Variants in SCLT1 observed in about 807,000 individuals in gnomAD.
SCLT1 encodes the protein sodium channel-associated protein 1.
In SCLT1, 78 loss-of-function variants were observed where a neutral mutation model predicts 112.8. That is an observed-to-expected ratio of 0.69 (90% CI 0.58 to 0.83). The LOEUF is 0.83. Ranked by LOEUF, SCLT1 falls within the 40% of genes least tolerant of loss-of-function variation. The pLI is 0.00. For synonymous variants in SCLT1, 257 were observed against 254.7 expected (o/e 1.01, Z -0.09); for missense variants, 747 against 770.4 (o/e 0.97, Z 0.36).
intron 2 of SCLT1, among the ~76,000 whole-genome samples, chr4:129,044,934 A>G (rs1748049508): frequency 6.6e-6 from 1 of 152,014 alleles, no homozygotes; most frequent in Admixed American, 6.6e-5. Flanking sequence ...CTATAGGTAC[A>G]GTAACAAACA....
intron 10 of SCLT1, among the ~76,000 whole-genome samples, chr4:128,968,201 C>T (rs138554876): frequency 2.0e-5 from 3 of 151,790 alleles, no homozygotes; most frequent in South Asian, 2.1e-4. Flanking sequence ...GTTCCAATTA[C>T]ACTTATGTTG....
chr4:128,907,670 A>G (rs1734790215), intron 18 of SCLT1, among the ~76,000 whole-genome samples: 1 of 152,210 alleles, frequency 6.6e-6, no homozygotes, highest in Non-Finnish European at 1.5e-5. Context: ...TCTGCATTAG[A>G]AGATGTTTTA....
At chr4:128,981,379 T>C (rs1361349287) in intron 9 of SCLT1, among the ~76,000 whole-genome samples, 1 of 152,212 alleles carries the variant, frequency 6.6e-6, no homozygotes, top group African/African-American at 2.4e-5. Context: ...GCTGGAATTC[T>C]AAATATTACC....
At chr4:129,006,233 C>G (rs1744005368) in intron 5 of SCLT1, among the ~76,000 whole-genome samples, 1 of 151,880 alleles carries the variant, frequency 6.6e-6, no homozygotes, top group Admixed American at 6.6e-5. Flanking sequence ...GACAGTAAGA[C>G]AGTTTTTAGG....
chr4:129,029,785 C>T (rs887155871), intron 5 of SCLT1, among the ~76,000 whole-genome samples: 1 of 151,970 alleles, frequency 6.6e-6, no homozygotes, highest in Non-Finnish European at 1.5e-5. Flanking sequence ...TATATGTGTA[C>T]CAAATACATG....
At chr4:128,887,163 C>T (rs1256197601) in intron 20 of SCLT1, among the ~76,000 whole-genome samples, 1 of 152,140 alleles carries the variant, frequency 6.6e-6, no homozygotes, top group African/African-American at 2.4e-5. Flanking sequence ...TGGCACTAAG[C>T]GATTTGCCTG....
At chr4:128,951,674 T>G (rs1415630970) in intron 14 of SCLT1, among the ~76,000 whole-genome samples, 1 of 151,958 alleles carries the variant, frequency 6.6e-6, no homozygotes, top group Non-Finnish European at 1.5e-5. Flanking sequence ...AATCAGCCCA[T>G]GAAAGAAAAC....
At chr4:128,946,258 T>C (rs1024400105) in intron 15 of SCLT1, 106 bp from the exon 16 acceptor site, 6 of 654,532 alleles carry the variant, frequency 9.2e-6, no homozygotes, top group Non-Finnish European at 5.0e-6. Context: ...TGATTATGTG[T>C]TCATTTGTTC....
chr4:128,880,579 A>G (rs1346109679), downstream of SCLT1, among the ~76,000 whole-genome samples: 2 of 152,206 alleles, frequency 1.3e-5, no homozygotes, highest in Non-Finnish European at 2.9e-5. Flanking sequence ...TGGCTTAGAA[A>G]CAAAACCTTT....
chr4:128,998,963 C>T (rs1743231873), intron 7 of SCLT1, among the ~76,000 whole-genome samples: 1 of 151,804 alleles, frequency 6.6e-6, no homozygotes, highest in African/African-American at 2.4e-5. Context: ...ATTAGAATTC[C>T]TCCATAGTGC....
At chr4:128,924,103 T>A (rs1041875215) in intron 18 of SCLT1, among the ~76,000 whole-genome samples, 1 of 152,100 alleles carries the variant, frequency 6.6e-6, no homozygotes. Context: ...ATGATGAGTA[T>A]ACATTTAACT....
At chr4:128,908,595 A>C (rs970608477) in intron 18 of SCLT1, among the ~76,000 whole-genome samples, 1 of 152,130 alleles carries the variant, frequency 6.6e-6, no homozygotes, top group African/African-American at 2.4e-5. Flanking sequence ...TAATTGAATA[A>C]TTAGATTCCT....
At chr4:128,889,128 G>A (rs1040100674) in intron 19 of SCLT1, among the ~76,000 whole-genome samples, 1 of 152,172 alleles carries the variant, frequency 6.6e-6, no homozygotes, top group Non-Finnish European at 1.5e-5. Context: ...TAGTAGGGGT[G>A]GGATGAACTG....
At chr4:128,883,589 T>C (rs1477660929), downstream of SCLT1, among the ~76,000 whole-genome samples, 1 of 152,228 alleles carries the variant, frequency 6.6e-6, no homozygotes, top group African/African-American at 2.4e-5. Flanking sequence ...ATGACTATCT[T>C]AACTGTTAGC....
chr4:129,086,524 C>T (rs557115696), intron 1 of SCLT1, among the ~76,000 whole-genome samples: 6 of 152,244 alleles, frequency 3.9e-5, no homozygotes, highest in African/African-American at 1.4e-4. Flanking sequence ...CACTTACTAG[C>T]TCTGTTAACC....
At chr4:128,878,894 A>AGT (rs1414918527) in intron 3 of SCLT1, among the ~76,000 whole-genome samples, 1 of 150,336 alleles carries the variant, frequency 6.7e-6, no homozygotes. Flanking sequence ...TGTTCTAGCA[A>AGT]GTTTTTAGGG....
rs189756971 is a variant in SCLT1 at position 129,021,002 on chromosome 4, A to G, written c.291-17126T>C. Among the ~76,000 whole-genome samples the G allele has an allele frequency of 3.9e-5, 6 of 152,346 alleles. No individual in the cohort carries two copies. In the East Asian group the frequency reaches 1.2e-3, roughly 29 times the overall value. On this transcript the variant is annotated intron_variant, in intron 5 of 20. Transcript: ENST00000281142. ...GGAACAGCTCCGGTCTGCAGCTCCC[A>G]GCAAGACCAACGCAGAAGGAAGATG...
intron 5 of SCLT1, among the ~76,000 whole-genome samples, chr4:129,021,754 G>T (rs998045434): frequency 6.6e-6 from 1 of 152,218 alleles, no homozygotes; most frequent in African/African-American, 2.4e-5. Flanking sequence ...GTTCCTGCCT[G>T]CCGGTTGTGA....
At chr4:128,952,938 T>C (rs1738886780) in intron 13 of SCLT1, 98 bp from the exon 14 acceptor site, 1 of 710,988 alleles carries the variant, frequency 1.4e-6, no homozygotes, top group East Asian at 2.6e-5. Context: ...AAAAATAAAA[T>C]TGTAACTTTT....
Sources: allele counts gnomAD v4.1 joint callset (sites outside exome capture counted in the v4.1 genomes callset), GRCh38; gene constraint gnomAD v4.1.1; transcripts MANE v1.5; gene names NCBI Gene and HGNC (gene_info 2026-07-23, HGNC 2026-07-21).